Variants in PCTP observed in about 807,000 individuals in gnomAD.
The protein encoded by PCTP is START domain-containing protein 2.
Under a neutral mutation model 31.0 loss-of-function variants are expected in PCTP, and 27 were observed. The ratio of observed to expected loss-of-function variants is 0.87; its 90% CI spans 0.64 to 1.20. PCTP has a LOEUF of 1.20. Ranked by LOEUF, PCTP falls within the 50% of genes most tolerant of loss-of-function variation. The pLI is 0.00. For synonymous variants in PCTP, 108 were observed against 101.2 expected (o/e 1.07, Z -0.40); for missense variants, 287 against 268.2 (o/e 1.07, Z -0.49).
intron 5 of PCTP, among the ~76,000 whole-genome samples, chr17:55,829,009 G>C (rs1905504314): frequency 6.6e-6 from 1 of 152,094 alleles, no homozygotes; most frequent in African/African-American, 2.4e-5. Context: ...GAACAAAGGA[G>C]CAGACACCTG....
rs1911339517 is a variant in PCTP at position 55,776,514 on chromosome 17, CG to C, written c.*417del. Reference sequence around the variant, plus strand: ...CAAAATTTAAGAATGACTATTTGGGCGGGCTGGCTCTTTTGCAGCTTGTGAT... The same window carrying C: ...CAAAATTTAAGAATGACTATTTGGGCGGCTGGCTCTTTTGCAGCTTGTGAT... On this transcript the variant is annotated 3_prime_UTR_variant, in exon 6 of 6. Coordinates refer to ENST00000268896, the MANE Select transcript of PCTP (RefSeq NM_021213.4). The C allele has an allele frequency of 1.5e-5, 18 of 1,231,926 alleles. No individual in the cohort carries two copies. The highest frequency in any genetic ancestry group is 1.8e-5 in the Non-Finnish European group (18 of 988,272). 76.3% of individuals were successfully genotyped at this position (1,231,926 alleles called of 1,614,324 possible). A position where few individuals can be genotyped will look rare whatever the true frequency, so the allele number is the denominator to read the frequency against.
intron 1 of PCTP, among the ~76,000 whole-genome samples, chr17:55,761,650 GAGTT>G (rs1013914751): frequency 1.3e-4 from 20 of 148,628 alleles, no homozygotes; most frequent in East Asian, 7.9e-4. Context: ...TATTTTTTCT[GAGTT>G]AGTTATTCAA....
intron 3 of PCTP, among the ~76,000 whole-genome samples, chr17:55,810,341 C>T: frequency 6.6e-6 from 1 of 152,146 alleles, no homozygotes; most frequent in Non-Finnish European, 1.5e-5. Flanking sequence ...TAGTTAAGTA[C>T]TGGGAAGGCC....
At chr17:55,763,726 T>C (rs546112733) in intron 1 of PCTP, among the ~76,000 whole-genome samples, 29 of 152,328 alleles carry the variant, frequency 1.9e-4, no homozygotes, top group African/African-American at 6.7e-4. Context: ...ACATGTCACC[T>C]TTTAAAAATT....
intron 3 of PCTP, among the ~76,000 whole-genome samples, chr17:55,791,490 G>T (rs1222597480): frequency 3.4e-5 from 5 of 147,172 alleles, no homozygotes; most frequent in African/African-American, 1.3e-4. Context: ...CAAAAAGTGG[G>T]CAAAGGACAT....
intron 4 of PCTP, among the ~76,000 whole-genome samples, chr17:55,774,478 T>G (rs1034708399): frequency 2.0e-5 from 3 of 152,228 alleles, no homozygotes; most frequent in African/African-American, 7.2e-5. Context: ...GTTTCATCAG[T>G]TATAAAATGG....
chr17:55,822,538 C>T (rs1454117), intron 3 of PCTP, among the ~76,000 whole-genome samples: 32,524 of 152,080 alleles, frequency 0.21, 4,118 homozygotes, highest in African/African-American at 0.36. Flanking sequence ...ATGCATATGG[C>T]TATTCTTGCA....
intron 1 of PCTP, chr17:55,751,610 G>C: frequency 1.1e-6 from 1 of 926,870 alleles, no homozygotes; most frequent in Non-Finnish European, 1.5e-6. Flanking sequence ...GGCATATGGG[G>C]GCTGGGGTGG....
At chr17:55,775,283 C>T (rs1911266433) in intron 5 of PCTP, 2 of 979,642 alleles carry the variant, frequency 2.0e-6, no homozygotes, top group South Asian at 5.0e-5. Flanking sequence ...TGTTGTTGCC[C>T]TTTTTTTTTT....
At chr17:55,836,333 T>A (rs1441134954) in intron 5 of PCTP, among the ~76,000 whole-genome samples, 1 of 152,242 alleles carries the variant, frequency 6.6e-6, no homozygotes, top group African/African-American at 2.4e-5. Flanking sequence ...ACTACTTGTG[T>A]ACACTGTAAA....
At chr17:55,826,656 A>C (rs1905407762), downstream of PCTP, among the ~76,000 whole-genome samples, 1 of 152,186 alleles carries the variant, frequency 6.6e-6, no homozygotes, top group Admixed American at 6.5e-5. Flanking sequence ...CATTGGCATC[A>C]AAGAACCTTC....
chr17:55,846,863 T>A (rs949262147), downstream of PCTP, among the ~76,000 whole-genome samples: 2 of 152,102 alleles, frequency 1.3e-5, no homozygotes, highest in Admixed American at 1.3e-4. Context: ...CTGCCAGGAG[T>A]CTCAGCTACT....
chr17:55,776,159 A>G lies in PCTP; in HGVS notation c.*59A>G. 6.2e-7 allele frequency: 1 copy of G among 1,602,124 alleles called. No homozygotes were observed. Among genetic ancestry groups the G allele is most frequent in the South Asian group, 1.1e-5 (1 of 89,072 alleles). ...GATGTCTCTGGAAGTGCAACCACCC[A>G]ATGTCTCTGGAAGTGCCACCTGGAA... On this transcript the variant is annotated 3_prime_UTR_variant, in exon 6 of 6. Coordinates refer to ENST00000268896, the MANE Select transcript of PCTP (RefSeq NM_021213.4).
At chr17:55,816,111 A>G (rs986914092) in intron 3 of PCTP, among the ~76,000 whole-genome samples, 1 of 152,178 alleles carries the variant, frequency 6.6e-6, no homozygotes, top group African/African-American at 2.4e-5. Context: ...TCATTCACAT[A>G]TCTCACATAC....
intron 3 of PCTP, among the ~76,000 whole-genome samples, chr17:55,815,427 G>A (rs1567729067): frequency 1.3e-5 from 2 of 152,188 alleles, no homozygotes; most frequent in Non-Finnish European, 2.9e-5. Flanking sequence ...TTCTATGGCA[G>A]CAGGTGTGGC....
intron 3 of PCTP, among the ~76,000 whole-genome samples, chr17:55,816,500 A>G (rs555329164): frequency 6.6e-6 from 1 of 152,362 alleles, no homozygotes; most frequent in South Asian, 2.1e-4. Flanking sequence ...TAGGATCAAT[A>G]TAGCTCATGA....
intron 3 of PCTP, among the ~76,000 whole-genome samples, chr17:55,816,356 A>G (rs557308883): frequency 6.6e-6 from 1 of 152,324 alleles, no homozygotes; most frequent in African/African-American, 2.4e-5. Context: ...TGGATATTTC[A>G]TACAAATGGA....
intron 5 of PCTP, among the ~76,000 whole-genome samples, chr17:55,841,487 T>G (rs1331391708): frequency 2.0e-5 from 3 of 152,234 alleles, no homozygotes; most frequent in African/African-American, 7.2e-5. Context: ...GACTTGGAAA[T>G]GGAGATGTGA....
chr17:55,838,675 C>T (rs1207014137), intron 5 of PCTP, among the ~76,000 whole-genome samples: 1 of 152,158 alleles, frequency 6.6e-6, no homozygotes, highest in Admixed American at 6.5e-5. Context: ...TCAAATGATG[C>T]TTTTTATTGA....
Sources: gnomAD v4.1 joint callset for allele counts (sites outside exome capture counted in the v4.1 genomes callset) on GRCh38, gnomAD v4.1.1 for gene constraint, MANE v1.5 for transcripts, NCBI Gene and HGNC (gene_info 2026-07-23, HGNC 2026-07-21) for gene names.